The following CNIH3 variants were observed in gnomAD, a reference collection of about 807,000 sequenced individuals.
CNIH3 encodes the protein cornichon family AMPA receptor auxiliary protein 3.
In CNIH3, 14 loss-of-function variants were observed where a neutral mutation model predicts 24.1. The ratio of observed to expected loss-of-function variants is 0.58; its 90% CI spans 0.38 to 0.91. The LOEUF (loss-of-function observed/expected upper bound fraction) is 0.91, where lower values mean the gene tolerates loss of function less well. CNIH3 is among the 40% of genes least tolerant of loss of function. The pLI, the probability that CNIH3 is intolerant of heterozygous loss-of-function variation, is 0.00. For synonymous variants in CNIH3, 68 were observed against 73.8 expected (o/e 0.92, Z 0.40); for missense variants, 178 against 196.8 (o/e 0.90, Z 0.57).
chr1:224,584,091 C>T (rs183301431), intron 5 of CNIH3, among the ~76,000 whole-genome samples: 50 of 152,268 alleles, frequency 3.3e-4, no homozygotes, highest in Middle Eastern at 3.4e-3. Context: ...GAGAACTTAG[C>T]GGACAACTTT....
At chr1:224,555,477 G>A (rs966569400) in intron 3 of CNIH3, among the ~76,000 whole-genome samples, 2 of 152,118 alleles carry the variant, frequency 1.3e-5, no homozygotes, top group East Asian at 3.8e-4. Flanking sequence ...TATATTAAAT[G>A]TAACTTTTTC....
chr1:224,503,663 T>A (rs530884642), intron 1 of CNIH3, among the ~76,000 whole-genome samples: 1 of 152,160 alleles, frequency 6.6e-6, no homozygotes, highest in African/African-American at 2.4e-5. Flanking sequence ...GGCTGCCTGG[T>A]GTTTAGCAAG....
At chr1:224,652,955 A>C (rs1684929259) in intron 1 of CNIH3, among the ~76,000 whole-genome samples, 1 of 152,172 alleles carries the variant, frequency 6.6e-6, no homozygotes, top group Admixed American at 6.5e-5. Flanking sequence ...AGCACAACTC[A>C]CTGGAAATTC....
At chr1:224,728,502 T>C (rs1296532898) in intron 3 of CNIH3, among the ~76,000 whole-genome samples, 1 of 152,218 alleles carries the variant, frequency 6.6e-6, no homozygotes, top group Non-Finnish European at 1.5e-5. Context: ...CCTCAGGTGA[T>C]TGCCTGAGAA....
chr1:224,526,466 C>A (rs1678851596), intron 2 of CNIH3, among the ~76,000 whole-genome samples: 2 of 152,178 alleles, frequency 1.3e-5, no homozygotes, highest in African/African-American at 4.8e-5. Context: ...GACACCGGAG[C>A]TGCTCGTGCC....
chr1:224,614,776 G>A (rs1682865805), upstream of CNIH3, among the ~76,000 whole-genome samples: 1 of 151,484 alleles, frequency 6.6e-6, no homozygotes, highest in African/African-American at 2.4e-5. Flanking sequence ...GTGAAACCCC[G>A]TCTTTACTAA....
intron 1 of CNIH3, among the ~76,000 whole-genome samples, chr1:224,461,000 A>G (rs755576830): frequency 3.4e-5 from 5 of 145,390 alleles, no homozygotes; most frequent in Non-Finnish European, 7.6e-5. Context: ...TTTAAATTTA[A>G]TTTTTTCTTT....
At chr1:224,443,975 TA>T (rs887593233) in intron 1 of CNIH3, among the ~76,000 whole-genome samples, 2 of 152,174 alleles carry the variant, frequency 1.3e-5, no homozygotes, top group African/African-American at 2.4e-5. Context: ...GGATTTGTTC[TA>T]GATTTTTAAA....
chr1:224,439,815 G>T (rs1279046647), intron 1 of CNIH3, among the ~76,000 whole-genome samples: 1 of 151,260 alleles, frequency 6.6e-6, no homozygotes, highest in Non-Finnish European at 1.5e-5. Context: ...TTGAGATGGG[G>T]TCTCGCTCTG....
intron 1 of CNIH3, among the ~76,000 whole-genome samples, chr1:224,675,649 T>C (rs1316781713): frequency 6.6e-6 from 1 of 152,168 alleles, no homozygotes; most frequent in Admixed American, 6.5e-5. Flanking sequence ...TAATTTTGTT[T>C]TAAAAGAGAA....
At chr1:224,706,404 G>T (rs914562048) in intron 3 of CNIH3, among the ~76,000 whole-genome samples, 2 of 152,126 alleles carry the variant, frequency 1.3e-5, no homozygotes, top group Non-Finnish European at 2.9e-5. Context: ...GCCTGTTCCG[G>T]AGGGTCGCCT....
upstream of CNIH3, among the ~76,000 whole-genome samples, chr1:224,613,067 C>G (rs1229180480): frequency 6.6e-6 from 1 of 152,188 alleles, no homozygotes; most frequent in Non-Finnish European, 1.5e-5. Context: ...GGCATGATCA[C>G]AGCTCACTGT....
intron 1 of CNIH3, chr1:224,459,227 T>A: frequency 1.0e-6 from 1 of 980,906 alleles, no homozygotes; most frequent in Non-Finnish European, 1.2e-6. Flanking sequence ...CATGTGACCT[T>A]GAGGATGGAT....
chr1:224,650,179 C>T (rs1350893171), intron 1 of CNIH3, among the ~76,000 whole-genome samples: 2 of 152,158 alleles, frequency 1.3e-5, no homozygotes, highest in African/African-American at 2.4e-5. Context: ...TCTTAACTAG[C>T]TTTTGAGGCT....
intron 2 of CNIH3, among the ~76,000 whole-genome samples, chr1:224,535,380 T>G (rs1679243298): frequency 6.6e-6 from 1 of 152,212 alleles, no homozygotes; most frequent in Non-Finnish European, 1.5e-5. Context: ...GCTGACACCT[T>G]GACTTCAGAC....
intron 3 of CNIH3, among the ~76,000 whole-genome samples, chr1:224,699,988 C>A (rs1236749806): frequency 6.6e-6 from 1 of 152,166 alleles, no homozygotes; most frequent in Non-Finnish European, 1.5e-5. Flanking sequence ...GTTATCTTGT[C>A]TGGCCCACCG....
In CNIH3 at chr1:224,616,979, G is replaced by A; in HGVS notation, c.-196G>A. On this transcript the variant is annotated 5_prime_UTR_variant, in exon 1 of 6. Coordinates refer to ENST00000272133, the MANE Select transcript of CNIH3 (RefSeq NM_152495.2). ...TGTCTTCGCCGGAGGGCCGGGTCTG[G>A]GGTCGCCGGAGCCTGCGGGAATCCA... 1 of 1,413,826 alleles carries A rather than the reference G, an allele frequency of 7.1e-7. No individual in the cohort carries two copies. The allele number at this position is 1,413,826 out of a possible 1,614,324, so 87.6% of individuals were successfully genotyped here. A position where few individuals can be genotyped will look rare whatever the true frequency, so the allele number is the denominator to read the frequency against.
chr1:224,717,392 G>A (rs2125214864), intron 3 of CNIH3: 1 of 152,276 alleles, frequency 6.6e-6, no homozygotes, highest in Middle Eastern at 3.4e-3. Context: ...CCACTCTGAT[G>A]ACCTAATTAC....
intron 1 of CNIH3, among the ~76,000 whole-genome samples, chr1:224,519,243 A>G (rs78227162): frequency 0.041 from 6,294 of 152,290 alleles, 302 homozygotes; most frequent in East Asian, 0.16. Context: ...CCTCACAGTC[A>G]TGGCAGAAGG....
Sources: gnomAD v4.1 joint callset for allele counts (sites outside exome capture counted in the v4.1 genomes callset) on GRCh38, gnomAD v4.1.1 for gene constraint, MANE v1.5 for transcripts, NCBI Gene and HGNC (gene_info 2026-07-23, HGNC 2026-07-21) for gene names.